The following PPP2R2B variants were observed in gnomAD, a reference collection of about 807,000 sequenced individuals.
PPP2R2B encodes serine/threonine-protein phosphatase 2A 55 kDa regulatory subunit B beta isoform.
PPP2R2B carries 5 observed loss-of-function variants against 46.0 expected under a neutral mutation model. The ratio of observed to expected loss-of-function variants is 0.11; its 90% CI spans 0.06 to 0.23. PPP2R2B has a LOEUF of 0.23. Ranked by LOEUF, PPP2R2B falls within the 10% of genes least tolerant of loss-of-function variation. The pLI, the probability that PPP2R2B is intolerant of heterozygous loss-of-function variation, is 1.00. For synonymous variants in PPP2R2B, 215 were observed against 206.7 expected, an observed-to-expected ratio of 1.04 and a Z score of -0.34; for missense variants, 367 against 575.0, an observed-to-expected ratio of 0.64 and a Z score of 3.70.
At chr5:146,687,769 G>A (rs1400941116) in intron 5 of PPP2R2B, among the ~76,000 whole-genome samples, 2 of 152,094 alleles carry the variant, frequency 1.3e-5, no homozygotes, top group Non-Finnish European at 2.9e-5. Context: ...TCACATTCTT[G>A]CTTTGAAAAG....
intron 1 of PPP2R2B, among the ~76,000 whole-genome samples, chr5:147,034,045 C>G (rs888704874): frequency 1.3e-5 from 2 of 152,190 alleles, no homozygotes; most frequent in African/African-American, 2.4e-5. Context: ...TATGGCCTAG[C>G]GCCTACCTTC....
Position 147,055,814 on chromosome 5 carries a change from T to A in PPP2R2B, c.-71A>T, listed in dbSNP as rs1033661990. On this transcript the variant is annotated 5_prime_UTR_variant, in exon 1 of 9. Coordinates refer to the PPP2R2B transcript ENST00000336640. Reference sequence around the variant, plus strand: ...AATCCATAAGGATTCTCTCGGCCTTTTAAGCTGGCTACATCACCAATATGT... The same window carrying A: ...AATCCATAAGGATTCTCTCGGCCTTATAAGCTGGCTACATCACCAATATGT... The A allele has an allele frequency of 1.9e-6, 3 of 1,541,018 alleles. No individual in the cohort carries two copies. In the African/African-American group the frequency reaches 4.1e-5, roughly 21 times the overall value.
intron 1 of PPP2R2B, among the ~76,000 whole-genome samples, chr5:146,984,376 T>G (rs1050418068): frequency 6.6e-5 from 10 of 152,244 alleles, no homozygotes; most frequent in African/African-American, 2.4e-4. Flanking sequence ...CTTAGCATAA[T>G]GTTCTCCAGT....
At chr5:146,599,946 A>G (rs1771613791) in intron 8 of PPP2R2B, among the ~76,000 whole-genome samples, 1 of 152,096 alleles carries the variant, frequency 6.6e-6, no homozygotes, top group Non-Finnish European at 1.5e-5. Context: ...AACCTTTCTC[A>G]CCTGGCTGGA....
chr5:146,803,298 C>A (rs963839633), intron 2 of PPP2R2B, among the ~76,000 whole-genome samples: 4 of 151,958 alleles, frequency 2.6e-5, no homozygotes, highest in Admixed American at 2.6e-4. Context: ...CTATGTAAGC[C>A]CCAGCAAATG....
At chr5:146,715,555 C>T (rs1780449849) in intron 2 of PPP2R2B, among the ~76,000 whole-genome samples, 1 of 152,160 alleles carries the variant, frequency 6.6e-6, no homozygotes, top group African/African-American at 2.4e-5. Context: ...ATGATCTGTG[C>T]TTTGTGTTTT....
At chr5:146,944,883 G>C (rs984807159) in intron 1 of PPP2R2B, among the ~76,000 whole-genome samples, 2 of 152,082 alleles carry the variant, frequency 1.3e-5, no homozygotes. Flanking sequence ...CTAATAGTTT[G>C]TTTTCATTGA....
At chr5:146,840,414 T>G (rs1213988579) in intron 2 of PPP2R2B, among the ~76,000 whole-genome samples, 3 of 152,222 alleles carry the variant, frequency 2.0e-5, no homozygotes, top group Non-Finnish European at 4.4e-5. Context: ...TAAAGCCCAG[T>G]GCCTAGCATA....
At chr5:146,671,904 G>A (rs1368688112) in intron 5 of PPP2R2B, among the ~76,000 whole-genome samples, 1 of 152,214 alleles carries the variant, frequency 6.6e-6, no homozygotes, top group South Asian at 2.1e-4. Context: ...TGGAGGACTC[G>A]GGGACAGGTA....
At chr5:146,976,252 G>A (rs1428310857) in intron 1 of PPP2R2B, among the ~76,000 whole-genome samples, 1 of 151,350 alleles carries the variant, frequency 6.6e-6, no homozygotes, top group South Asian at 2.1e-4. Flanking sequence ...ATTCTCCTGC[G>A]TCAGCCTCCC....
At chr5:147,063,085 G>A (rs1401664865) in intron 2 of PPP2R2B, among the ~76,000 whole-genome samples, 5 of 150,500 alleles carry the variant, frequency 3.3e-5, no homozygotes, top group Non-Finnish European at 7.4e-5. Context: ...AGGAAGGGAA[G>A]GGAAGGGAAG....
intron 1 of PPP2R2B, among the ~76,000 whole-genome samples, chr5:146,894,797 C>G (rs1173425839): frequency 6.6e-6 from 1 of 152,164 alleles, no homozygotes; most frequent in African/African-American, 2.4e-5. Flanking sequence ...TCATTCTCCT[C>G]CTCACTCTGC....
Position 146,638,336 on chromosome 5 carries a change from G to A in PPP2R2B, c.705C>T (p.Cys235=). 5 of 1,613,854 alleles carry A rather than the reference G, an allele frequency of 3.1e-6. No homozygotes were observed. Among genetic ancestry groups the A allele is most frequent in the Non-Finnish European group, 4.2e-6 (5 of 1,179,750 alleles). Reference sequence around the variant, plus strand: ...TGCTGCTGCTGTACACGAAGGTGTTGCAATGATGGGGGTGGAACTCGGCTG... The same window carrying A: ...TGCTGCTGCTGTACACGAAGGTGTTACAATGATGGGGGTGGAACTCGGCTG... ...ITAAEFHPHH[C]NTFVYSSSKG... Residue 235 remains cysteine (C), a synonymous_variant, in exon 7 of 10, where the codon TGC becomes TGT. Transcript: ENST00000394411.
chr5:146,659,232 T>C (rs1389340222), intron 5 of PPP2R2B, among the ~76,000 whole-genome samples: 2 of 152,224 alleles, frequency 1.3e-5, no homozygotes, highest in Non-Finnish European at 2.9e-5. Context: ...AAAAGCTTTA[T>C]TTTAAACTGC....
intron 5 of PPP2R2B, among the ~76,000 whole-genome samples, chr5:146,664,805 A>G (rs1776877174): frequency 6.6e-6 from 1 of 152,170 alleles, no homozygotes; most frequent in African/African-American, 2.4e-5. Context: ...TTTCTCAAAA[A>G]TGACTCCTTA....
At chr5:146,873,373 G>A (rs1454921955) in intron 2 of PPP2R2B, among the ~76,000 whole-genome samples, 1 of 152,048 alleles carries the variant, frequency 6.6e-6, no homozygotes, top group African/African-American at 2.4e-5. Context: ...ATCCTACACA[G>A]CAGCCAGATT....
intron 6 of PPP2R2B, among the ~76,000 whole-genome samples, chr5:146,642,523 C>G (rs192965288): frequency 1.3e-5 from 2 of 152,274 alleles, no homozygotes; most frequent in East Asian, 3.9e-4. Flanking sequence ...TTATATATCT[C>G]ATTAAATTGT....
At chr5:147,069,016 T>TA (rs1757495315) in intron 2 of PPP2R2B, among the ~76,000 whole-genome samples, 3 of 152,152 alleles carry the variant, frequency 2.0e-5, no homozygotes, top group Admixed American at 1.3e-4. Flanking sequence ...TCACCCACAG[T>TA]AAAAAATAAA....
At chr5:146,750,521 C>A (rs1199735472) in intron 2 of PPP2R2B, among the ~76,000 whole-genome samples, 1 of 152,122 alleles carries the variant, frequency 6.6e-6, no homozygotes, top group East Asian at 1.9e-4. Flanking sequence ...AACATGCAGG[C>A]TTCTTGTGAT....
Sources: allele counts gnomAD v4.1 joint callset (sites outside exome capture counted in the v4.1 genomes callset), GRCh38; gene constraint gnomAD v4.1.1; transcripts MANE v1.5; gene names NCBI Gene and HGNC (gene_info 2026-07-23, HGNC 2026-07-21).